DPP9: variants seen among roughly 807,000 people sequenced by gnomAD.
The protein encoded by DPP9 is dipeptidyl peptidase IV-related protein-2.
DPP9 carries 50 observed loss-of-function variants against 110.7 expected under a neutral mutation model. The ratio of observed to expected loss-of-function variants is 0.45; its 90% CI spans 0.36 to 0.57. DPP9 has a LOEUF of 0.57. Ranked by LOEUF, DPP9 falls within the 20% of genes least tolerant of loss-of-function variation. The pLI is 0.00. For missense variants in DPP9, 1,022 were observed against 1,217.9 expected, an observed-to-expected ratio of 0.84 and a Z score of 2.39; for synonymous variants, 561 against 514.4, an observed-to-expected ratio of 1.09 and a Z score of -1.23.
chr19:4,697,195 G>A (rs78357727), intron 11 of DPP9, among the ~76,000 whole-genome samples: 1,744 of 152,276 alleles, frequency 0.011, 8 homozygotes, highest in Non-Finnish European at 0.018. Context: ...TGGGTGGGAG[G>A]CTGGGGAGTG....
At chr19:4,678,226 C>T (rs1471720410) in intron 21 of DPP9, among the ~76,000 whole-genome samples, 3 of 152,174 alleles carry the variant, frequency 2.0e-5, no homozygotes, top group Non-Finnish European at 4.4e-5. Flanking sequence ...GATTCTCCTG[C>T]CTCAGCCTCC....
At chr19:4,683,219 CT>C in intron 19 of DPP9, 1 of 1,432,314 alleles carries the variant, frequency 7.0e-7, no homozygotes, top group East Asian at 2.6e-5. Context: ...GGGTCCCGGG[CT>C]CAGCCTCCCA....
chr19:4,705,179 T>C (rs2092517994), intron 5 of DPP9, among the ~76,000 whole-genome samples: 1 of 152,138 alleles, frequency 6.6e-6, no homozygotes, highest in African/African-American at 2.4e-5. Flanking sequence ...GTTACATTGT[T>C]ATGTTTATGT....
chr19:4,693,691 A>G lies in DPP9; in HGVS notation c.1516+970T>C, dbSNP rs182987487. Among the ~76,000 whole-genome samples the G allele has an allele frequency of 2.0e-5, 3 of 152,196 alleles. No individual in the cohort carries two copies. The East Asian group carries it at 5.8e-4, about 29-fold the overall frequency. On this transcript the variant is annotated intron_variant, in intron 13 of 21. Coordinates refer to ENST00000262960, the MANE Select transcript of DPP9 (RefSeq NM_139159.5). The surrounding 1 kb of genome is among the most constrained non-coding windows in gnomAD (Gnocchi z 5.0). ...CTCCCGGCCCCTGGGCCTGTGTGCA[A>G]GCTGCAACCAGAGGAGTCATCTGAA...
chr19:4,720,073 A>C lies in DPP9; in HGVS notation c.-35-132T>G, dbSNP rs1251926372. On this transcript the variant is annotated intron_variant, in intron 2 of 21. Transcript: ENST00000262960. Reference sequence around the variant, plus strand: ...AGCCTCCGGGGAGCACCCTGAAGCCAAGGGCATTCTGAAGAGACGATGCTT... The same window carrying C: ...AGCCTCCGGGGAGCACCCTGAAGCCCAGGGCATTCTGAAGAGACGATGCTT... 5 of 734,866 alleles carry C rather than the reference A, an allele frequency of 6.8e-6. No homozygotes were observed. In the Admixed American group the frequency reaches 9.0e-5, roughly 13 times the overall value. 45.5% of individuals were successfully genotyped at this position (734,866 alleles called of 1,614,324 possible).
rs1435189582 is a variant in DPP9, at chr19:4,700,698, T to C, written c.1013-421A>G. On this transcript the variant is annotated intron_variant, in intron 9 of 21. Transcript: ENST00000262960. This position sits in a 1 kb window ranked among gnomAD's most constrained non-coding sequence, Gnocchi z 4.3. ...AACGTGACAAGTGGGGTGTGTCCCA[T>C]GCAAAACCAGGGAGCCCGTGTGACA... 6.6e-6 allele frequency among the ~76,000 whole-genome samples: 1 copy of C among 152,098 alleles called. No homozygotes were observed. The highest frequency in any genetic ancestry group is 1.5e-5 in the Non-Finnish European group (1 of 68,022).
chr19:4,690,603 C>A (rs2091225434), intron 14 of DPP9, among the ~76,000 whole-genome samples: 1 of 152,196 alleles, frequency 6.6e-6, no homozygotes, highest in African/African-American at 2.4e-5. Context: ...TCCTTAATTT[C>A]AGGGTGAAAG....
At chr19:4,722,672 C>A in intron 1 of DPP9, 121 bp from the exon 2 acceptor site, 2 of 667,858 alleles carry the variant, frequency 3.0e-6, no homozygotes, top group Non-Finnish European at 5.4e-6. Flanking sequence ...TAGATTCTAG[C>A]TCTGCCTTGA....
chr19:4,713,348 G>C (rs571348868), intron 4 of DPP9, among the ~76,000 whole-genome samples: 3 of 152,216 alleles, frequency 2.0e-5, no homozygotes, highest in Non-Finnish European at 4.4e-5. Context: ...CACCTCACGG[G>C]AGCCAGGCCC....
intron 18 of DPP9, chr19:4,683,840 G>T: frequency 6.5e-7 from 1 of 1,531,696 alleles, no homozygotes; most frequent in Non-Finnish European, 8.7e-7. Context: ...CCACCTCCCA[G>T]GTGAGTGGCT....
At position 4,697,053 on chromosome 19, in the gene DPP9, C is replaced by T. The variant is rs145791539; in HGVS notation, c.1175+498G>A. ...ATTCGGGGCTGCAGTGAGTTATGAT[C>T]GCACCACTGCACTCCAGCTTGGGCG... On this transcript the variant is annotated intron_variant, in intron 11 of 21. Coordinates refer to ENST00000262960, the MANE Select transcript of DPP9 (RefSeq NM_139159.5). Among the ~76,000 whole-genome samples the T allele has an allele frequency of 1.4e-3, 207 of 151,798 alleles. 1 individual carries two copies. Among genetic ancestry groups the T allele is most frequent in the South Asian group, 0.011 (55 of 4,798 alleles).
At chr19:4,712,851 C>T (rs539485855) in intron 4 of DPP9, among the ~76,000 whole-genome samples, 32 of 152,350 alleles carry the variant, frequency 2.1e-4, no homozygotes, top group Admixed American at 9.2e-4. Flanking sequence ...GTGTCCACCT[C>T]GGTCACTGTT....
intron 10 of DPP9, among the ~76,000 whole-genome samples, chr19:4,699,838 C>T (rs538367011): frequency 2.9e-4 from 44 of 152,220 alleles, no homozygotes; most frequent in Non-Finnish European, 5.3e-4. Context: ...ATCTGCCCCA[C>T]GGAGTTCTCT....
At position 4,704,421 on chromosome 19, in the gene DPP9, A is replaced by C; in HGVS notation, c.427-117T>G. ...AGGGAATCTGACTTCGGGCCTCGCC[A>C]GAGAGAACTTCCTGTACTGGGCAGA... On this transcript the variant is annotated intron_variant, in intron 5 of 21. Transcript: ENST00000262960. This position sits in a 1 kb window ranked among gnomAD's most constrained non-coding sequence, Gnocchi z 6.0. The C allele has an allele frequency of 1.6e-6, 2 of 1,273,150 alleles. No individual in the cohort carries two copies. Among genetic ancestry groups the C allele is most frequent in the Non-Finnish European group, 2.2e-6 (2 of 917,406 alleles). 78.9% of individuals were successfully genotyped at this position (1,273,150 alleles called of 1,614,324 possible). A position where few individuals can be genotyped will look rare whatever the true frequency, so the allele number is the denominator to read the frequency against.
intron 5 of DPP9, among the ~76,000 whole-genome samples, chr19:4,705,304 G>A (rs934103551): frequency 3.3e-5 from 5 of 152,176 alleles, no homozygotes; most frequent in African/African-American, 1.2e-4. Flanking sequence ...GCTCACTGTA[G>A]CCTTGCCCTC....
chr19:4,703,782 G>A lies in DPP9; in HGVS notation c.769+104C>T, dbSNP rs2092435341. On this transcript the variant is annotated intron_variant, in intron 7 of 21. Transcript: ENST00000262960. ...GAAGGTATGCACGGGAGGGTGGCTT[G>A]TGAGGGGTGTGTGCAGGAAGACCCT... 3.9e-6 allele frequency: 5 copies of A among 1,279,974 alleles called. No homozygotes were observed. In the East Asian group the frequency reaches 1.0e-4, roughly 26 times the overall value. 79.3% of individuals were successfully genotyped at this position (1,279,974 alleles called of 1,614,324 possible).
chr19:4,678,638 T>A (rs1305412643), intron 21 of DPP9, among the ~76,000 whole-genome samples: 2 of 151,886 alleles, frequency 1.3e-5, no homozygotes, highest in African/African-American at 4.8e-5. Flanking sequence ...ATGTGGGGTG[T>A]CGGTGGGGGG....
rs1568303545 is a variant in DPP9 at position 4,684,694 on chromosome 19, A to C, written c.2147T>G (p.Leu716Arg). ...GTTTTTCAGGGCCCCTTCGAACCGAAGCCCTCGCTGACAGGAGCCCCTGCC... is the reference window on the plus strand; with the variant it reads ...GTTTTTCAGGGCCCCTTCGAACCGACGCCCTCGCTGACAGGAGCCCCTGCC... ...IDGRGSCQRGLRFEGALKNQM... is the reference protein window; with the variant it reads ...IDGRGSCQRGRRFEGALKNQM... The change falls in exon 18 of 22, where the codon CTT becomes CGT. Residue 716 changes from leucine to arginine, a missense_variant. By Grantham distance (102) the Leu-to-Arg change is moderately radical. This residue lies in a region of DPP9 where 209 missense variants were observed against 280.4 expected (regional missense o/e 0.75). Transcript: ENST00000262960. This position sits in a 1 kb window ranked among gnomAD's most constrained non-coding sequence, Gnocchi z 4.8. The C allele has an allele frequency of 6.2e-7, 1 of 1,612,712 alleles. No homozygotes were observed.
rs1288496356 is a variant in DPP9, at chr19:4,685,135, G to T, written c.2032-326C>A. ...GGGTGGGGCCATCTGGGCACTGCGG[G>T]GTGCTGAGAAGCCACTCCAGGCCAG... On this transcript the variant is annotated intron_variant, in intron 17 of 21. Transcript: ENST00000262960. This position sits in a 1 kb window ranked among gnomAD's most constrained non-coding sequence, Gnocchi z 5.8. 3 of 569,032 alleles carry T rather than the reference G, an allele frequency of 5.3e-6. No homozygotes were observed. Among genetic ancestry groups the T allele is most frequent in the Admixed American group, 4.4e-5 (2 of 45,634 alleles). The allele number at this position is 569,032 out of a possible 1,614,324, so 35.2% of individuals were successfully genotyped here.
Sources: gnomAD v4.1 joint callset for allele counts (sites outside exome capture counted in the v4.1 genomes callset) on GRCh38, gnomAD v4.1.1 for gene constraint, gnomAD v4.1.1 regional missense constraint, Gnocchi (gnomAD v3.1) non-coding constraint, MANE v1.5 for transcripts, NCBI Gene and HGNC (gene_info 2026-07-23, HGNC 2026-07-21) for gene names.